Variants in ATP6V1C1 observed in about 807,000 individuals in gnomAD.
The protein encoded by ATP6V1C1 is V-type proton ATPase subunit C 1.
ATP6V1C1 carries 45 observed loss-of-function variants against 53.9 expected under a neutral mutation model. The ratio of observed to expected loss-of-function variants is 0.83; its 90% CI spans 0.66 to 1.07. The LOEUF (loss-of-function observed/expected upper bound fraction) is 1.07, where lower values mean the gene tolerates loss of function less well. Among genes scored for constraint, ATP6V1C1 ranks in the 50% least tolerant of loss-of-function variants. The pLI is 0.00. For missense variants in ATP6V1C1, 315 were observed against 440.3 expected (o/e 0.72, Z 2.55); for synonymous variants, 153 against 155.2 (o/e 0.99, Z 0.11).
intron 3 of ATP6V1C1, among the ~76,000 whole-genome samples, chr8:103,043,005 G>A (rs1817028257): frequency 6.6e-6 from 1 of 152,062 alleles, no homozygotes; most frequent in African/African-American, 2.4e-5. Flanking sequence ...CAGTTGATGG[G>A]CGTTTATTTT....
At chr8:103,026,697 C>G (rs1163771677) in intron 1 of ATP6V1C1, among the ~76,000 whole-genome samples, 1 of 152,092 alleles carries the variant, frequency 6.6e-6, no homozygotes, top group East Asian at 1.9e-4. Flanking sequence ...CCTATAATCC[C>G]GGCTACTCAG....
intron 1 of ATP6V1C1, among the ~76,000 whole-genome samples, chr8:103,023,243 G>A (rs1328075704): frequency 6.6e-6 from 1 of 150,736 alleles, no homozygotes; most frequent in East Asian, 2.0e-4. Context: ...AGGGAAGCCA[G>A]TGAAGATTAC....
At chr8:103,050,983 T>G in intron 4 of ATP6V1C1, 67 bp from the exon 5 acceptor site, 1 of 1,051,282 alleles carries the variant, frequency 9.5e-7, no homozygotes, top group East Asian at 2.5e-5. Flanking sequence ...TTAAAATATA[T>G]CGCTGTGTAA....
chr8:103,022,758 A>C (rs1393938987), intron 1 of ATP6V1C1, among the ~76,000 whole-genome samples: 1 of 152,162 alleles, frequency 6.6e-6, no homozygotes, highest in Non-Finnish European at 1.5e-5. Flanking sequence ...GAGTGAAAAG[A>C]ACATTCCAGG....
Position 103,048,955 on chromosome 8 carries a change from G to GTT in ATP6V1C1, c.286_286+1insTT (p.Asp97TrpfsTer7), listed in dbSNP as rs750360855. 1 of 1,611,232 alleles carries GTT rather than the reference G, an allele frequency of 6.2e-7. No homozygotes were observed. On this transcript the variant is annotated frameshift_variant and splice_region_variant. Coordinates refer to ENST00000518738, the MANE Select transcript of ATP6V1C1 (RefSeq NM_001695.5). LOFTEE classifies it high-confidence loss of function. ...TCAAGAGAATCTGTTGGCTAATGGA[G>GTT]GTAAGCTAATGCTCATGATTGATCA...
At chr8:103,060,061 G>A (rs374217561) in intron 8 of ATP6V1C1, among the ~76,000 whole-genome samples, 223 of 150,654 alleles carry the variant, frequency 1.5e-3, no homozygotes, top group African/African-American at 4.9e-3. Flanking sequence ...TCTGCCTCCC[G>A]GGTTCAAGTG....
chr8:103,062,161 GTTTTTTTTTT>G (rs767825523), intron 8 of ATP6V1C1, among the ~76,000 whole-genome samples: 7 of 70,786 alleles, frequency 9.9e-5, no homozygotes, highest in Middle Eastern at 8.2e-3. Context: ...GTTCATCAGG[GTTTTTTTTTT>G]TTTTTTTTTT....
Position 103,062,940 on chromosome 8 carries a change from T to A in ATP6V1C1, c.642-15T>A. On this transcript the variant is annotated splice_polypyrimidine_tract_variant and intron_variant, in intron 8 of 12. Transcript: ENST00000518738. ...TACGTATAAATCTTTAAATGGACTT[T>A]TTTTTTTTCCATAGTGTTCTTTCAG... is the stretch of plus-strand genomic sequence containing the variant. The A allele has an allele frequency of 1.9e-6, 3 of 1,607,496 alleles. No individual in the cohort carries two copies. Among genetic ancestry groups the A allele is most frequent in the South Asian group, 2.2e-5 (2 of 90,112 alleles).
chr8:103,050,948 G>T (rs965307339), intron 4 of ATP6V1C1, 102 bp from the exon 5 acceptor site: 25 of 762,718 alleles, frequency 3.3e-5, no homozygotes, highest in Non-Finnish European at 5.0e-5. Flanking sequence ...CATCTTTGCT[G>T]ATTTCCTCAA....
chr8:103,047,406 TA>T (rs35561690), intron 3 of ATP6V1C1, among the ~76,000 whole-genome samples: 32,941 of 109,214 alleles, frequency 0.3, 4,669 homozygotes, highest in Middle Eastern at 0.4. Context: ...GACTCTCTCT[TA>T]AAAAAAAAAA....
chr8:103,024,245 G>A (rs1282162583), intron 1 of ATP6V1C1, among the ~76,000 whole-genome samples: 2 of 152,168 alleles, frequency 1.3e-5, no homozygotes, highest in Non-Finnish European at 2.9e-5. Context: ...CTAACTAAAT[G>A]CTGAGAGCTA....
In ATP6V1C1 at chr8:103,052,809, G is replaced by A; in HGVS notation, c.460G>A (p.Glu154Lys). 1.3e-6 allele frequency: 2 copies of A among 1,592,770 alleles called. No homozygotes were observed. The highest frequency in any genetic ancestry group is 1.7e-6 in the Non-Finnish European group (2 of 1,169,944). Residue 154 changes from glutamate (E) to lysine (K), a missense_variant, in exon 6 of 13, where the codon GAA becomes AAA. Transcript: ENST00000518738. Reference protein sequence around the residue: ...NNLKGNLQNLERKNAGSLLTR... With the variant: ...NNLKGNLQNLKRKNAGSLLTR... Reference sequence around the variant, plus strand: ...CCTGAAAGGAAATCTTCAGAATTTGGAACGAAAGAATGCGTAAGCAGATCA... The same window carrying A: ...CCTGAAAGGAAATCTTCAGAATTTGAAACGAAAGAATGCGTAAGCAGATCA...
intron 8 of ATP6V1C1, among the ~76,000 whole-genome samples, chr8:103,059,515 C>T (rs990883979): frequency 2.0e-5 from 3 of 151,800 alleles, no homozygotes; most frequent in Admixed American, 2.0e-4. Flanking sequence ...CCCTTGCACC[C>T]CCCTCCCCCC....
chr8:103,040,950 C>T lies in ATP6V1C1; in HGVS notation c.114C>T (p.Phe38=), dbSNP rs73699556. 536 of 1,613,934 alleles carry T rather than the reference C, an allele frequency of 3.3e-4. 1 individual carries two copies. In the African/African-American group the frequency reaches 6.0e-3, roughly 18 times the overall value. ...KNNNLAVTSK[F]NIPDLKVGTL... is the part of the protein sequence containing the mutation. Reference sequence around the variant, plus strand: ...ATAATCTTGCTGTCACTTCCAAGTTCAATATTCCTGACTTAAAGGTGAAGC... The same window carrying T: ...ATAATCTTGCTGTCACTTCCAAGTTTAATATTCCTGACTTAAAGGTGAAGC... Residue 38 remains phenylalanine, a synonymous_variant, in exon 2 of 13, where the codon TTC becomes TTT. Coordinates refer to ENST00000518738, the MANE Select transcript of ATP6V1C1 (RefSeq NM_001695.5).
At chr8:103,053,838 C>T in intron 6 of ATP6V1C1, 46 bp from the exon 7 acceptor site, 2 of 1,385,434 alleles carry the variant, frequency 1.4e-6, no homozygotes, top group Non-Finnish European at 2.0e-6. Flanking sequence ...ACTTGTGTTA[C>T]AGAAGCACAT....
chr8:103,034,105 T>C (rs1268769254), intron 1 of ATP6V1C1, among the ~76,000 whole-genome samples: 3 of 152,124 alleles, frequency 2.0e-5, no homozygotes, highest in African/African-American at 7.2e-5. Flanking sequence ...TTTCAGAAAG[T>C]GTCCAGCATC....
intron 1 of ATP6V1C1, among the ~76,000 whole-genome samples, chr8:103,029,651 G>A (rs923998263): frequency 6.6e-6 from 1 of 152,084 alleles, no homozygotes; most frequent in East Asian, 1.9e-4. Flanking sequence ...AATAGATGAT[G>A]TAGTATATCT....
chr8:103,047,577 C>T (rs1280377386), intron 3 of ATP6V1C1, among the ~76,000 whole-genome samples: 2 of 151,828 alleles, frequency 1.3e-5, no homozygotes, highest in East Asian at 1.9e-4. Flanking sequence ...AGCCCTGTTT[C>T]GACTGTGTTA....
chr8:103,039,678 A>G (rs1015152966), intron 1 of ATP6V1C1, among the ~76,000 whole-genome samples: 5 of 152,048 alleles, frequency 3.3e-5, no homozygotes, highest in African/African-American at 1.2e-4. Flanking sequence ...TTACCTACCT[A>G]GATTCTGAAT....
Sources: gnomAD v4.1 joint callset for allele counts (sites outside exome capture counted in the v4.1 genomes callset) on GRCh38, gnomAD v4.1.1 for gene constraint, MANE v1.5 for transcripts, NCBI Gene and HGNC (gene_info 2026-07-23, HGNC 2026-07-21) for gene names.